Variants in DSP observed in about 807,000 individuals in gnomAD.
DSP encodes desmoplakin, also known as 250/210 kDa paraneoplastic pemphigus antigen.
Under a neutral mutation model 290.6 loss-of-function variants are expected in DSP, and 114 were observed. The ratio of observed to expected loss-of-function variants is 0.39; its 90% CI spans 0.34 to 0.46. The LOEUF (loss-of-function observed/expected upper bound fraction) is 0.46. Ranked by LOEUF, DSP falls within the 20% of genes least tolerant of loss-of-function variation. The pLI, the probability that DSP is intolerant of heterozygous loss-of-function variation, is 0.99. For missense variants in DSP, 3,230 were observed against 3,495.8 expected (o/e 0.92, Z 1.92); for synonymous variants, 1,311 against 1,316.4 (o/e 1.00, Z 0.09).
At chr6:7,577,639 C>T (rs1759280785) in intron 20 of DSP, 140 bp from the exon 21 acceptor site, 1 of 770,652 alleles carries the variant, frequency 1.3e-6, no homozygotes, top group Non-Finnish European at 2.3e-6. Context: ...GTATTAGTTG[C>T]TTGGCCACTA....
At position 7,564,949 on chromosome 6, in the gene DSP, A is replaced by C. The variant is rs191835096; in HGVS notation, c.778-410A>C. Among the ~76,000 whole-genome samples, 93 of 152,344 alleles carry C rather than the reference A, an allele frequency of 6.1e-4. 1 individual carries two copies. The highest frequency in any genetic ancestry group is 2.0e-3 in the African/African-American group (82 of 41,590). ...CATCTGAGGTTGGGAGTTCGAGACC[A>C]GCCTGGCCAACTGGTGAAACCCCGT... is the stretch of plus-strand genomic sequence containing the variant. On this transcript the variant is annotated intron_variant, in intron 6 of 23. Coordinates refer to ENST00000379802, the MANE Select transcript of DSP (RefSeq NM_004415.4).
In DSP at chr6:7,582,170, ATC is replaced by A. The variant is rs1554108565; in HGVS notation, c.5380-470_5380-469del. Reference sequence around the variant, plus strand: ...TGTGTGTGTGTGTGTGTGTGTGTATATCTATATATTATATATATAATTATATA... The same window carrying A: ...TGTGTGTGTGTGTGTGTGTGTGTATATATATATTATATATATAATTATATA... On this transcript the variant is annotated intron_variant, in intron 23 of 23. Transcript: ENST00000379802. This position sits in a 1 kb window ranked among gnomAD's most constrained non-coding sequence, Gnocchi z 4.2. Among the ~76,000 whole-genome samples, 6 of 142,510 alleles carry A rather than the reference ATC, an allele frequency of 4.2e-5. No homozygotes were observed. The highest frequency in any genetic ancestry group is 4.0e-4 in the East Asian group (2 of 5,058). 93.5% of individuals were successfully genotyped at this position (142,510 alleles called of 152,430 possible).
intron 14 of DSP, 119 bp downstream of exon 14, chr6:7,571,703 C>T (rs1471481847): frequency 5.4e-6 from 8 of 1,490,168 alleles, no homozygotes; most frequent in Admixed American, 1.7e-5. Flanking sequence ...CAGTGTTCTT[C>T]GTGCACTAAA....
Position 7,584,459 on chromosome 6 carries a change from G to A in DSP, c.7197G>A (p.Glu2399=), listed in dbSNP as rs372594837. ...DIAYKRGYFN[E]ELSEILSDPS... is the part of the protein sequence containing the mutation. ...CATATAAGAGGGGCTATTTCAATGA[G>A]GAACTCAGTGAGATTCTCTCAGATC... The change falls in exon 24 of 24, where the codon GAG becomes GAA. Residue 2399 remains glutamate, a synonymous_variant. Transcript: ENST00000379802. The surrounding 1 kb of genome is among the most constrained non-coding windows in gnomAD (Gnocchi z 6.4). The A allele has an allele frequency of 8.7e-6, 14 of 1,614,032 alleles. No homozygotes were observed. The highest frequency in any genetic ancestry group is 3.3e-5 in the Admixed American group (2 of 60,002).
chr6:7,547,675 G>T (rs1454811668), intron 1 of DSP, among the ~76,000 whole-genome samples: 19 of 151,458 alleles, frequency 1.3e-4, no homozygotes, highest in African/African-American at 4.6e-4. Flanking sequence ...GGGCTCAAGT[G>T]ATCCTCCCAC....
rs376908181 is a variant in DSP, at chr6:7,569,390, G to A, written c.1574+50G>A. On this transcript the variant is annotated intron_variant, in intron 12 of 23. Coordinates refer to ENST00000379802, the MANE Select transcript of DSP (RefSeq NM_004415.4). ...CACGCATGCACGCATGAATGTGAGGGCAGAGGAAGAGGGCAGGTGTTTATA... is the reference window on the plus strand; with the variant it reads ...CACGCATGCACGCATGAATGTGAGGACAGAGGAAGAGGGCAGGTGTTTATA... 8.9e-4 allele frequency: 1,430 copies of A among 1,613,708 alleles called. 1 individual carries two copies. Among genetic ancestry groups the A allele is most frequent in the Middle Eastern group, 4.2e-3 (25 of 6,010 alleles).
Position 7,580,010 on chromosome 6 carries a change from G to C in DSP, c.3820G>C (p.Ala1274Pro), listed in dbSNP as rs1285435504. The C allele has an allele frequency of 6.2e-7, 1 of 1,614,092 alleles. No individual in the cohort carries two copies. Among genetic ancestry groups the C allele is most frequent in the Non-Finnish European group, 8.5e-7 (1 of 1,180,016 alleles). Reference sequence around the variant, plus strand: ...GCAGCGAAGGCGAGCTGAAGAAAACGCCCTTCAGCAAAAGGCCTGTGGCTC... The same window carrying C: ...GCAGCGAAGGCGAGCTGAAGAAAACCCCCTTCAGCAAAAGGCCTGTGGCTC... ...TEQRRRAEENALQQKACGSEI... is the reference protein window; with the variant it reads ...TEQRRRAEENPLQQKACGSEI... The change falls in exon 23 of 24, where the codon GCC becomes CCC. Residue 1274 changes from alanine to proline, a missense_variant. Ala to Pro is a conservative substitution (Grantham distance 27). Around this residue, in one of 5 missense-constraint regions of DSP, gnomAD observed 1,714 missense variants for 1,844.5 expected, o/e 0.93. Coordinates refer to ENST00000379802, the MANE Select transcript of DSP (RefSeq NM_004415.4). The surrounding 1 kb of genome is among the most constrained non-coding windows in gnomAD (Gnocchi z 4.2).
In DSP at chr6:7,541,962, G is replaced by C. The variant is rs752387234; in HGVS notation, c.47G>C (p.Arg16Pro). 21 of 1,607,158 alleles carry C rather than the reference G, an allele frequency of 1.3e-5. No individual in the cohort carries two copies. The highest frequency in any genetic ancestry group is 5.0e-5 in the Admixed American group (3 of 59,456). Residue 16 changes from arginine (R) to proline (P), a missense_variant, in exon 1 of 24, where the codon CGC becomes CCC. Coordinates refer to ENST00000379802, the MANE Select transcript of DSP (RefSeq NM_004415.4). ...CACCCGCGGATCAACACTCTGGGCC[G>C]CATGATCCGCGCCGAGTCTGGCCCG... is the stretch of plus-strand genomic sequence containing the variant. ...GSHPRINTLG[R>P]MIRAESGPDL...
chr6:7,586,041 T>G lies in DSP; in HGVS notation c.*163T>G, dbSNP rs1038453478. On this transcript the variant is annotated 3_prime_UTR_variant, in exon 24 of 24. Transcript: ENST00000379802. ...TGAAATCAAATAGTAAAGGCTGTTC[T>G]GGCTTTTTATCTTCTTAGCTCATCT... 16 of 738,062 alleles carry G rather than the reference T, an allele frequency of 2.2e-5. No homozygotes were observed. The highest frequency in any genetic ancestry group is 3.5e-5 in the Non-Finnish European group (16 of 454,176). The allele number at this position is 738,062 out of a possible 1,614,324, so 45.7% of individuals were successfully genotyped here. A position where few individuals can be genotyped will look rare whatever the true frequency, so the allele number is the denominator to read the frequency against.
In DSP at chr6:7,585,839, T is replaced by G. The variant is rs1312830342; in HGVS notation, c.8577T>G (p.Ser2859=). The part of the protein sequence containing the change: ...SFDATGNSSY[S]YSYSFSSSSI... Reference sequence around the variant, plus strand: ...ACGCCACAGGGAATTCTTCCTACTCTTATTCCTACTCATTTAGCAGTAGTT... The same window carrying G: ...ACGCCACAGGGAATTCTTCCTACTCGTATTCCTACTCATTTAGCAGTAGTT... The change falls in exon 24 of 24, where the codon TCT becomes TCG. Residue 2859 remains serine, a synonymous_variant. Transcript: ENST00000379802. 1 of 1,614,054 alleles carries G rather than the reference T, an allele frequency of 6.2e-7. No individual in the cohort carries two copies. Among genetic ancestry groups the G allele is most frequent in the Non-Finnish European group, 8.5e-7 (1 of 1,180,004 alleles).
At position 7,581,332 on chromosome 6, in the gene DSP, C is replaced by G. The variant is rs1275224079; in HGVS notation, c.5142C>G (p.Thr1714=). ...ERLQSLTENL[T]KEHLMLEEEL... ...TGCAGTCTCTCACAGAGAACCTGACCAAGGAGCACTTGATGTTAGAAGAAG... is the reference window on the plus strand; with the variant it reads ...TGCAGTCTCTCACAGAGAACCTGACGAAGGAGCACTTGATGTTAGAAGAAG... Residue 1714 remains threonine, a synonymous_variant, in exon 23 of 24, where the codon ACC becomes ACG. Coordinates refer to ENST00000379802, the MANE Select transcript of DSP (RefSeq NM_004415.4). 2 of 1,614,086 alleles carry G rather than the reference C, an allele frequency of 1.2e-6. No individual in the cohort carries two copies. The highest frequency in any genetic ancestry group is 1.7e-5 in the Admixed American group (1 of 60,012).
intron 1 of DSP, 142 bp downstream of exon 1, chr6:7,542,227 C>A (rs902994122): frequency 3.4e-6 from 4 of 1,182,588 alleles, no homozygotes; most frequent in Admixed American, 2.2e-5. Flanking sequence ...CCCGGCCGCG[C>A]TGGGAGCAGG....
chr6:7,576,260 A>G, intron 18 of DSP, 34 bp from the exon 19 acceptor site: 4 of 1,608,834 alleles, frequency 2.5e-6, no homozygotes, highest in Non-Finnish European at 3.4e-6. Flanking sequence ...GGAACTAATA[A>G]GATAATGATT....
At chr6:7,561,944 TATTGTG>T (rs1383068069) in intron 4 of DSP, among the ~76,000 whole-genome samples, 3 of 152,340 alleles carry the variant, frequency 2.0e-5, no homozygotes, top group East Asian at 3.9e-4. Flanking sequence ...GTGTGATTCT[TATTGTG>T]AAACATTCTT....
chr6:7,579,451 G>A lies in DSP; in HGVS notation c.3261G>A (p.Glu1087=), dbSNP rs1045685133. The A allele has an allele frequency of 1.9e-6, 3 of 1,614,168 alleles. No individual in the cohort carries two copies. Among genetic ancestry groups the A allele is most frequent in the Non-Finnish European group, 1.7e-6 (2 of 1,180,036 alleles). The change falls in exon 23 of 24, where the codon GAG becomes GAA. Residue 1087 remains glutamate, a synonymous_variant. Transcript: ENST00000379802. The surrounding 1 kb of genome is among the most constrained non-coding windows in gnomAD (Gnocchi z 4.1). ...ASLEELKRQA[E]LDGKSAKQNL... Reference sequence around the variant, plus strand: ...TGGAGGAGCTGAAGAGACAGGCTGAGCTGGATGGGAAGTCGGCTAAGCAAA... The same window carrying A: ...TGGAGGAGCTGAAGAGACAGGCTGAACTGGATGGGAAGTCGGCTAAGCAAA...
chr6:7,563,531 G>A (rs1056641449), intron 5 of DSP, among the ~76,000 whole-genome samples: 2 of 152,072 alleles, frequency 1.3e-5, no homozygotes, highest in Admixed American at 6.5e-5. Context: ...TTGTGGAGAC[G>A]GTGCTGCCAG....
At chr6:7,568,387 A>G (rs781654558) in intron 10 of DSP, 50 bp from the exon 11 acceptor site, 4 of 1,605,086 alleles carry the variant, frequency 2.5e-6, no homozygotes, top group Admixed American at 1.7e-5. Context: ...AATCTCCTCT[A>G]AAACTCACAG....
In DSP at chr6:7,576,942, T is replaced by C. The variant is rs1001890905; in HGVS notation, c.2794-17T>C. 2.0e-5 allele frequency: 32 copies of C among 1,607,166 alleles called. No individual in the cohort carries two copies. Among genetic ancestry groups the C allele is most frequent in the Non-Finnish European group, 2.6e-5 (30 of 1,174,128 alleles). On this transcript the variant is annotated splice_polypyrimidine_tract_variant and intron_variant, in intron 19 of 23. Coordinates refer to ENST00000379802, the MANE Select transcript of DSP (RefSeq NM_004415.4). The stretch of plus-strand genomic sequence containing the variant: ...TTGTATGCATTAACATTGGTAAATA[T>C]TTCACTTTTTGTATAGAACTTGCAC...
rs75611621 is a variant in DSP, at chr6:7,573,477, C to T, written c.2131-609C>T. On this transcript the variant is annotated intron_variant, in intron 15 of 23. Transcript: ENST00000379802. ...CCTGTAATCTCAGCTACTCAGGAGG[C>T]TGAGGCAGGAGAATCGCTTGAACCC... Among the ~76,000 whole-genome samples, 210 of 151,882 alleles carry T rather than the reference C, an allele frequency of 1.4e-3. 4 individuals are homozygous for T. In the East Asian group the frequency reaches 0.037, roughly 27 times the overall value.
Sources: gnomAD v4.1 joint callset for allele counts (sites outside exome capture counted in the v4.1 genomes callset) on GRCh38, gnomAD v4.1.1 for gene constraint, gnomAD v4.1.1 regional missense constraint, Gnocchi (gnomAD v3.1) non-coding constraint, MANE v1.5 for transcripts, NCBI Gene and HGNC (gene_info 2026-07-23, HGNC 2026-07-21) for gene names.